Variants in CCL28 observed in about 807,000 individuals in gnomAD.
The protein encoded by CCL28 is C-C motif chemokine 28.
Under a neutral mutation model 7.1 loss-of-function variants are expected in CCL28, and 4 were observed. The ratio of observed to expected loss-of-function variants is 0.56; its 90% CI spans 0.28 to 1.29. The LOEUF is 1.29. CCL28 is among the 50% of genes most tolerant of loss of function. The pLI, the probability that CCL28 is intolerant of heterozygous loss-of-function variation, is 0.11. For missense variants in CCL28, 151 were observed against 163.4 expected, an observed-to-expected ratio of 0.92 and a Z score of 0.41; for synonymous variants, 55 against 57.8, an observed-to-expected ratio of 0.95 and a Z score of 0.22.
chr5:43,369,584 C>T, the CCL28 span, among the ~76,000 whole-genome samples: 1 of 151,900 alleles, frequency 6.6e-6, no homozygotes, highest in African/African-American at 2.4e-5. Flanking sequence ...GCCACCACAC[C>T]CTGGCTAATT....
At chr5:43,362,517 C>T in the CCL28 span, among the ~76,000 whole-genome samples, 1 of 152,100 alleles carries the variant, frequency 6.6e-6, no homozygotes, top group African/African-American at 2.4e-5. Context: ...GTTTATAAAA[C>T]ATGGATTCAC....
chr5:43,367,588 G>A, the CCL28 span, among the ~76,000 whole-genome samples: 4 of 152,058 alleles, frequency 2.6e-5, no homozygotes, highest in African/African-American at 4.8e-5. Context: ...TCCCAGTGAG[G>A]TGAGCCGTGT....
At chr5:43,361,141 G>A in the CCL28 span, among the ~76,000 whole-genome samples, 1 of 152,136 alleles carries the variant, frequency 6.6e-6, no homozygotes. Flanking sequence ...TCCCTGCAAA[G>A]GATATGATCT....
chr5:43,398,833 G>A (rs765673446), intron 1 of CCL28, among the ~76,000 whole-genome samples: 18 of 145,792 alleles, frequency 1.2e-4, no homozygotes, highest in Middle Eastern at 3.6e-3. Context: ...CTGGGCGACA[G>A]AGAGGGACTC....
chr5:43,373,729 C>G (rs184344018), downstream of CCL28, among the ~76,000 whole-genome samples: 172 of 152,304 alleles, frequency 1.1e-3, no homozygotes, highest in African/African-American at 3.7e-3. Flanking sequence ...CACTATGTTC[C>G]CACATTCTTT....
At chr5:43,403,160 T>A (rs775324022) in intron 1 of CCL28, among the ~76,000 whole-genome samples, 4 of 151,910 alleles carry the variant, frequency 2.6e-5, no homozygotes, top group Non-Finnish European at 5.9e-5. Flanking sequence ...TTGAAGAGAG[T>A]AGTGGTTCTA....
At chr5:43,401,102 AG>A (rs1394753822) in intron 1 of CCL28, among the ~76,000 whole-genome samples, 15 of 151,984 alleles carry the variant, frequency 9.9e-5, no homozygotes, top group South Asian at 6.2e-4. Flanking sequence ...AAAAAGAAAA[AG>A]AAAAAAAAGG....
At chr5:43,377,717 CTTTTTTTTTT>C (rs767834184), downstream of CCL28, among the ~76,000 whole-genome samples, 115 of 42,708 alleles carry the variant, frequency 2.7e-3, no homozygotes, top group African/African-American at 0.013. Context: ...AGAACTTAAA[CTTTTTTTTTT>C]TTTTTTTTTT....
chr5:43,396,117 G>A (rs1300313096), intron 1 of CCL28, among the ~76,000 whole-genome samples: 2 of 152,032 alleles, frequency 1.3e-5, no homozygotes, highest in Non-Finnish European at 2.9e-5. Context: ...TGATCCGCCC[G>A]CCTCTGCCTC....
the CCL28 span, among the ~76,000 whole-genome samples, chr5:43,357,080 A>T: frequency 8.5e-5 from 13 of 152,276 alleles, no homozygotes; most frequent in East Asian, 2.5e-3. Flanking sequence ...GGGTCTGGCC[A>T]GTTTAGATCT....
the CCL28 span, among the ~76,000 whole-genome samples, chr5:43,367,504 G>T: frequency 6.6e-6 from 1 of 152,202 alleles, no homozygotes; most frequent in Non-Finnish European, 1.5e-5. Context: ...CCAACCCCTT[G>T]TGCTTCCTGG....
intron 2 of CCL28, among the ~76,000 whole-genome samples, chr5:43,387,156 TAG>T (rs962489249): frequency 6.6e-6 from 1 of 152,082 alleles, no homozygotes; most frequent in African/African-American, 2.4e-5. Flanking sequence ...TCGGATGCAG[TAG>T]AGTTTGGAGA....
At chr5:43,364,582 C>G in the CCL28 span, among the ~76,000 whole-genome samples, 1 of 151,926 alleles carries the variant, frequency 6.6e-6, no homozygotes, top group Non-Finnish European at 1.5e-5. Context: ...ATAATTTTAT[C>G]ATAGAATGTA....
chr5:43,357,572 G>A, the CCL28 span, among the ~76,000 whole-genome samples: 1 of 152,014 alleles, frequency 6.6e-6, no homozygotes, highest in Non-Finnish European at 1.5e-5. Context: ...ACATGATCAA[G>A]CTCCCAAATT....
the CCL28 span, among the ~76,000 whole-genome samples, chr5:43,365,681 T>G: frequency 6.6e-6 from 1 of 152,210 alleles, no homozygotes; most frequent in African/African-American, 2.4e-5. Context: ...GTTCTCTGTA[T>G]TCCCTGAACT....
chr5:43,369,036 AAGAGAGAGAGAGAGAGAGAGAGAG>A, the CCL28 span, among the ~76,000 whole-genome samples: 41 of 104,536 alleles, frequency 3.9e-4, no homozygotes, highest in South Asian at 5.7e-3. Context: ...GAAAGAGAGA[AAGAGAGAGAGAGAGAGAGAGAGAG>A]AGAGAGAGAG....
rs142356866 is a variant in CCL28 at position 43,389,330 on chromosome 5, T to C, written c.65-854A>G. On this transcript the variant is annotated intron_variant, in intron 1 of 2. Coordinates refer to ENST00000361115, the MANE Select transcript of CCL28 (RefSeq NM_148672.3). ...TTGTTCCTACATTTATTAATGCATT[T>C]ATTTCCTAAAACTGTTTCTTTCTTT... Among the ~76,000 whole-genome samples, 120 of 152,396 alleles carry C rather than the reference T, an allele frequency of 7.9e-4. 3 individuals carry two copies. The East Asian group carries it at 0.019, about 24-fold the overall frequency.
chr5:43,402,797 G>C (rs774682010), intron 1 of CCL28, among the ~76,000 whole-genome samples: 1 of 152,172 alleles, frequency 6.6e-6, no homozygotes, highest in Admixed American at 6.5e-5. Flanking sequence ...CTGGAAAATC[G>C]GGACACTCCC....
the CCL28 span, among the ~76,000 whole-genome samples, chr5:43,362,049 T>C: frequency 1.3e-5 from 2 of 152,212 alleles, no homozygotes; most frequent in Non-Finnish European, 2.9e-5. Flanking sequence ...ATTGGTAGTT[T>C]GATAGAAATA....
Sources: gnomAD v4.1 joint callset for allele counts (sites outside exome capture counted in the v4.1 genomes callset) on GRCh38, gnomAD v4.1.1 for gene constraint, MANE v1.5 for transcripts, NCBI Gene and HGNC (gene_info 2026-07-23, HGNC 2026-07-21) for gene names.